PCNX2: variants seen among roughly 807,000 people sequenced by gnomAD.
PCNX2 encodes pecanex 2.
In PCNX2, 168 loss-of-function variants were observed where a neutral mutation model predicts 223.8. That is an observed-to-expected ratio of 0.75 (90% CI 0.66 to 0.85). The LOEUF (loss-of-function observed/expected upper bound fraction) is 0.85, where lower values mean the gene tolerates loss of function less well. Ranked by LOEUF, PCNX2 falls within the 40% of genes least tolerant of loss-of-function variation. The pLI is 0.00. For missense variants in PCNX2, 2,507 were observed against 2,675.5 expected (o/e 0.94, Z 1.39); for synonymous variants, 1,006 against 1,052.6 (o/e 0.96, Z 0.86).
intron 1 of PCNX2, among the ~76,000 whole-genome samples, chr1:233,285,875 A>G (rs777712955): frequency 1.6e-4 from 25 of 152,252 alleles, no homozygotes; most frequent in Non-Finnish European, 3.2e-4. Flanking sequence ...ATATTGGAAT[A>G]CCATGCAGAC....
intron 1 of PCNX2, among the ~76,000 whole-genome samples, chr1:233,287,952 C>T (rs1033046478): frequency 3.3e-5 from 5 of 152,126 alleles, no homozygotes; most frequent in African/African-American, 1.2e-4. Context: ...TGCTCAGAAG[C>T]GTTGGCTGTG....
chr1:233,093,008 C>A (rs561576975), intron 22 of PCNX2, among the ~76,000 whole-genome samples: 1 of 152,112 alleles, frequency 6.6e-6, no homozygotes, highest in Non-Finnish European at 1.5e-5. Flanking sequence ...ACCGTGTTAG[C>A]CAGGATGGTC....
intron 19 of PCNX2, among the ~76,000 whole-genome samples, chr1:233,141,953 T>C (rs1677156074): frequency 6.6e-6 from 1 of 151,958 alleles, no homozygotes; most frequent in Non-Finnish European, 1.5e-5. Flanking sequence ...GCTTAATAAA[T>C]AGAAGAGACA....
the PCNX2 span, among the ~76,000 whole-genome samples, chr1:233,323,687 T>C: frequency 1.3e-5 from 2 of 152,234 alleles, no homozygotes; most frequent in Non-Finnish European, 2.9e-5. Flanking sequence ...ACTTAATAAA[T>C]GTGATAAATG....
intron 25 of PCNX2, among the ~76,000 whole-genome samples, chr1:233,033,763 C>A (rs1472238677): frequency 2.2e-4 from 33 of 152,220 alleles, no homozygotes; most frequent in Non-Finnish European, 1.5e-5. Flanking sequence ...AGAGGCCTTG[C>A]ATCATCCAAG....
intron 25 of PCNX2, among the ~76,000 whole-genome samples, chr1:233,037,633 C>T (rs1251087696): frequency 6.6e-6 from 1 of 152,066 alleles, no homozygotes; most frequent in Non-Finnish European, 1.5e-5. Context: ...CCTTGTGTGT[C>T]TTTTAAATGT....
chr1:233,097,764 G>A (rs1264933322), intron 21 of PCNX2, among the ~76,000 whole-genome samples: 4 of 152,130 alleles, frequency 2.6e-5, no homozygotes, highest in Non-Finnish European at 5.9e-5. Flanking sequence ...ATCAAGAAAC[G>A]GATAGTTCTA....
At position 233,097,751 on chromosome 1, in the gene PCNX2, C is replaced by T. The variant is rs1271662724; in HGVS notation, c.3838-1888G>A. On this transcript the variant is annotated intron_variant, in intron 21 of 33. Coordinates refer to ENST00000258229, the MANE Select transcript of PCNX2 (RefSeq NM_014801.4). ...TTTACCAGTCATTAGGTGACTCCTA[C>T]AGATCAAGAAACGGATAGTTCTAAC... Among the ~76,000 whole-genome samples the T allele has an allele frequency of 2.6e-5, 4 of 152,206 alleles. No homozygotes were observed. The East Asian group carries it at 7.7e-4, about 29-fold the overall frequency.
intron 15 of PCNX2, among the ~76,000 whole-genome samples, chr1:233,191,551 G>A (rs750762254): frequency 1.5e-4 from 23 of 152,126 alleles, no homozygotes; most frequent in Non-Finnish European, 4.4e-5. Flanking sequence ...AAACCACACT[G>A]GGAACCAGAG....
intron 16 of PCNX2, 109 bp from the exon 17 acceptor site, chr1:233,178,007 C>T: frequency 1.4e-6 from 1 of 737,104 alleles, no homozygotes. Flanking sequence ...AACAAGTGCT[C>T]TCTTCATTTA....
At chr1:233,298,717 C>A (rs1420433804), upstream of PCNX2, among the ~76,000 whole-genome samples, 1 of 152,016 alleles carries the variant, frequency 6.6e-6, no homozygotes, top group Admixed American at 6.6e-5. Flanking sequence ...GATGAAACCC[C>A]ATCTCTACTA....
At chr1:233,300,229 T>C (rs1331261047), upstream of PCNX2, among the ~76,000 whole-genome samples, 1 of 152,240 alleles carries the variant, frequency 6.6e-6, no homozygotes, top group Non-Finnish European at 1.5e-5. Flanking sequence ...ATCCTTCCTT[T>C]ATTAAGATTG....
rs748297850 is a variant in PCNX2, at chr1:232,986,202, TGAC to T, written c.6127_6129del (p.Val2043del). 6.1e-5 allele frequency: 95 copies of T among 1,559,700 alleles called. No homozygotes were observed. Among genetic ancestry groups the T allele is most frequent in the Non-Finnish European group, 7.4e-5 (85 of 1,151,370 alleles). On this transcript the variant is annotated inframe_deletion, in exon 33 of 34. Transcript: ENST00000258229. ...CCCTCCGCAGCAGAGAGTCCGGAAA[TGAC>T]GAGCGCGCTGGAAAAGCTCCTCTTG...
At chr1:233,290,576 CAGAATGGGAAACGGCTG>C in intron 1 of PCNX2, 1 of 263,062 alleles carries the variant, frequency 3.8e-6, no homozygotes, top group African/African-American at 2.3e-5. Flanking sequence ...AATGACACAC[CAGAATGGGAAACGGCTG>C]CAGACTGTCA....
rs1408694216 is a variant in PCNX2 at position 232,986,455 on chromosome 1, G to A, written c.5877C>T (p.Ile1959=). 1 of 1,605,234 alleles carries A rather than the reference G, an allele frequency of 6.2e-7. No homozygotes were observed. The highest frequency in any genetic ancestry group is 8.5e-7 in the Non-Finnish European group (1 of 1,175,304). The change falls in exon 33 of 34, where the codon ATC becomes ATT. Residue 1959 remains isoleucine (I), a synonymous_variant. Transcript: ENST00000258229. ...RPPMLSSSGP[I]LESRQTFLQT... ...GGAGGAATGTTTGGCGGCTCTCTAA[G>A]ATGGGGCCAGATGAGCTCAGCATGG...
At chr1:232,989,909 A>G (rs1669634567) in intron 32 of PCNX2, among the ~76,000 whole-genome samples, 1 of 152,226 alleles carries the variant, frequency 6.6e-6, no homozygotes, top group Non-Finnish European at 1.5e-5. Flanking sequence ...AGGGCAAGCT[A>G]AAGGTTAGGA....
chr1:233,274,648 A>G (rs1001778293), intron 1 of PCNX2, among the ~76,000 whole-genome samples: 1 of 152,216 alleles, frequency 6.6e-6, no homozygotes, highest in African/African-American at 2.4e-5. Context: ...GCAGACCAAG[A>G]AAACTATTTC....
At chr1:233,106,345 C>T (rs945131007) in intron 21 of PCNX2, among the ~76,000 whole-genome samples, 12 of 148,386 alleles carry the variant, frequency 8.1e-5, no homozygotes, top group African/African-American at 2.7e-4. Context: ...CCTCTCCTCC[C>T]TCTTTTTTTT....
chr1:233,258,102 T>C lies in PCNX2; in HGVS notation c.1760A>G (p.Asn587Ser). The C allele has an allele frequency of 6.2e-7, 1 of 1,614,008 alleles. No individual in the cohort carries two copies. The highest frequency in any genetic ancestry group is 8.5e-7 in the Non-Finnish European group (1 of 1,179,880). ...LEFVSLLESI[N>S]TSKMTASSQL... is the part of the protein sequence containing the mutation. ...ACTGGATGCCGTCATCTTGGAAGTA[T>C]TAATGGATTCTAACAGGGAGACAAA... Residue 587 changes from asparagine (N) to serine (S), a missense_variant, in exon 5 of 34, where the codon AAT becomes AGT. By Grantham distance (46) the Asn-to-Ser change is conservative. Around this residue, in one of 3 missense-constraint regions of PCNX2, gnomAD observed 1,031 missense variants for 1,021.7 expected, o/e 1.01. Coordinates refer to ENST00000258229, the MANE Select transcript of PCNX2 (RefSeq NM_014801.4).
Sources: allele counts gnomAD v4.1 joint callset (sites outside exome capture counted in the v4.1 genomes callset), GRCh38; gene constraint gnomAD v4.1.1; regional missense constraint gnomAD v4.1.1; transcripts MANE v1.5; gene names NCBI Gene and HGNC (gene_info 2026-07-23, HGNC 2026-07-21).